The following ASIC2 variants were observed in gnomAD, a reference collection of about 807,000 sequenced individuals.
The protein encoded by ASIC2 is acid sensing ion channel subunit 2, also known as acid-sensing ion channel 2.
In ASIC2, 25 loss-of-function variants were observed where a neutral mutation model predicts 57.3. The observed-to-expected ratio is 0.44, with a 90% confidence interval of 0.32 to 0.61. The LOEUF is 0.61. ASIC2 is among the 20% of genes least tolerant of loss of function. The probability of loss-of-function intolerance (pLI) is 0.06; values close to 1 mark genes in which losing one functional copy is unlikely to be tolerated. For missense variants in ASIC2, 641 were observed against 738.1 expected (o/e 0.87, Z 1.52); for synonymous variants, 319 against 307.5 (o/e 1.04, Z -0.39).
At chr17:33,403,650 A>G (rs1311938794) in intron 1 of ASIC2, among the ~76,000 whole-genome samples, 1 of 152,268 alleles carries the variant, frequency 6.6e-6, no homozygotes, top group Admixed American at 6.5e-5. Flanking sequence ...GATTTGCTGT[A>G]CTTAGTACAA....
intron 1 of ASIC2, among the ~76,000 whole-genome samples, chr17:33,491,201 G>C (rs1181186462): frequency 6.6e-6 from 1 of 152,146 alleles, no homozygotes; most frequent in Non-Finnish European, 1.5e-5. Context: ...CAAGCATCCA[G>C]AATAGATCTT....
chr17:33,060,530 T>C (rs1315062747), intron 3 of ASIC2, among the ~76,000 whole-genome samples: 3 of 152,240 alleles, frequency 2.0e-5, no homozygotes, highest in African/African-American at 7.2e-5. Context: ...ATCTCTGTTT[T>C]GGTACAAGTA....
chr17:33,786,600 A>G (rs940047976), intron 1 of ASIC2, among the ~76,000 whole-genome samples: 2 of 152,214 alleles, frequency 1.3e-5, no homozygotes, highest in Non-Finnish European at 2.9e-5. Flanking sequence ...ATGAAAATTC[A>G]CTACTCTTTC....
At chr17:33,428,934 C>T (rs1010447703) in intron 1 of ASIC2, among the ~76,000 whole-genome samples, 33 of 152,164 alleles carry the variant, frequency 2.2e-4, no homozygotes, top group African/African-American at 7.7e-4. Context: ...TCAGGGGGCT[C>T]GGCTGTCTCT....
chr17:33,226,937 G>A (rs1393306173), intron 1 of ASIC2, among the ~76,000 whole-genome samples: 2 of 151,642 alleles, frequency 1.3e-5, no homozygotes, highest in Non-Finnish European at 2.9e-5. Flanking sequence ...ATGTAACTTC[G>A]ACATGTAATC....
chr17:33,944,763 C>G (rs1287829921), intron 1 of ASIC2, among the ~76,000 whole-genome samples: 2 of 152,198 alleles, frequency 1.3e-5, no homozygotes, highest in African/African-American at 4.8e-5. Context: ...CAAAGTGCTA[C>G]CAGACTCAAG....
chr17:34,132,382 T>G (rs1912006866), intron 1 of ASIC2, among the ~76,000 whole-genome samples: 1 of 152,152 alleles, frequency 6.6e-6, no homozygotes, highest in African/African-American at 2.4e-5. Flanking sequence ...GTAGACGGGT[T>G]GCGGCTGCTG....
chr17:33,448,630 C>G (rs1349858593), intron 1 of ASIC2, among the ~76,000 whole-genome samples: 2 of 152,148 alleles, frequency 1.3e-5, no homozygotes, highest in African/African-American at 2.4e-5. Flanking sequence ...TCCCTATAGC[C>G]CCTGGAGGGA....
At chr17:33,657,068 T>C (rs1325380631) in intron 1 of ASIC2, among the ~76,000 whole-genome samples, 6 of 152,150 alleles carry the variant, frequency 3.9e-5, no homozygotes, top group Non-Finnish European at 5.9e-5. Context: ...AGGTCTTGGA[T>C]GAACATCTGA....
chr17:33,092,848 A>T (rs1206321632), intron 2 of ASIC2, among the ~76,000 whole-genome samples: 1 of 152,238 alleles, frequency 6.6e-6, no homozygotes, highest in Admixed American at 6.5e-5. Context: ...CTAGCACAGT[A>T]GCTGGCACAA....
intron 1 of ASIC2, among the ~76,000 whole-genome samples, chr17:33,709,564 C>T (rs1226029769): frequency 1.3e-5 from 2 of 152,194 alleles, no homozygotes; most frequent in Non-Finnish European, 2.9e-5. Context: ...CTTCCAGCCT[C>T]CAGACTGAGA....
chr17:33,722,740 G>T (rs546552623), intron 1 of ASIC2, among the ~76,000 whole-genome samples: 2 of 152,278 alleles, frequency 1.3e-5, no homozygotes, highest in East Asian at 3.9e-4. Flanking sequence ...TGCAGCCGGG[G>T]TAACAGGGTG....
chr17:33,451,526 G>A (rs554146803), intron 1 of ASIC2, among the ~76,000 whole-genome samples: 8 of 152,214 alleles, frequency 5.3e-5, no homozygotes, highest in South Asian at 2.1e-4. Context: ...GCCAGACACC[G>A]GAAGTTGTTC....
chr17:33,752,052 C>A (rs1228126648), intron 1 of ASIC2, among the ~76,000 whole-genome samples: 2 of 152,118 alleles, frequency 1.3e-5, no homozygotes, highest in African/African-American at 4.8e-5. Context: ...CCTGACAGAG[C>A]AGGCACTGGG....
At chr17:33,680,377 A>G (rs1234237856) in intron 1 of ASIC2, among the ~76,000 whole-genome samples, 3 of 152,090 alleles carry the variant, frequency 2.0e-5, no homozygotes, top group Admixed American at 6.5e-5. Context: ...GAGCTCATGG[A>G]AAGTTGGGTG....
At chr17:33,274,270 C>G (rs1419676734) in intron 1 of ASIC2, among the ~76,000 whole-genome samples, 1 of 152,200 alleles carries the variant, frequency 6.6e-6, no homozygotes, top group Admixed American at 6.5e-5. Context: ...GCTCCAACAC[C>G]TACTTGCAGG....
chr17:33,328,481 C>T (rs1047416911), intron 1 of ASIC2, among the ~76,000 whole-genome samples: 1 of 152,160 alleles, frequency 6.6e-6, no homozygotes, highest in African/African-American at 2.4e-5. Context: ...CTCCTCTTCC[C>T]TCTTCTAATC....
intron 1 of ASIC2, among the ~76,000 whole-genome samples, chr17:33,189,189 T>C (rs1603578): frequency 0.28 from 42,134 of 151,966 alleles, 8,558 homozygotes; most frequent in African/African-American, 0.56. Context: ...GCCAAGGATG[T>C]TGCTAAACAC....
At chr17:33,164,539 G>C (rs1489186903) in intron 1 of ASIC2, among the ~76,000 whole-genome samples, 2 of 151,404 alleles carry the variant, frequency 1.3e-5, no homozygotes, top group Non-Finnish European at 2.9e-5. Context: ...GAGCTCACCA[G>C]GCTCTCTGGA....
Sources: allele counts gnomAD v4.1 joint callset (sites outside exome capture counted in the v4.1 genomes callset), GRCh38; gene constraint gnomAD v4.1.1; transcripts MANE v1.5; gene names NCBI Gene and HGNC (gene_info 2026-07-23, HGNC 2026-07-21).